VAC14: variants seen among roughly 807,000 people sequenced by gnomAD.
VAC14 encodes VAC14 component of PIKFYVE complex.
VAC14 carries 47 observed loss-of-function variants against 85.3 expected under a neutral mutation model. The observed-to-expected ratio is 0.55, with a 90% CI of 0.44 to 0.70. The LOEUF is 0.70. VAC14 is among the 30% of genes least tolerant of loss of function. The pLI is 0.00. For synonymous variants in VAC14, 447 were observed against 430.5 expected (o/e 1.04, Z -0.47); for missense variants, 861 against 1,004.3 (o/e 0.86, Z 1.93).
chr16:70,693,290 G>A (rs541060478), intron 17 of VAC14, among the ~76,000 whole-genome samples: 2 of 152,280 alleles, frequency 1.3e-5, no homozygotes, highest in South Asian at 4.1e-4. Context: ...CCCGAGACAC[G>A]CTGTGGGGCC....
At chr16:70,744,652 T>A in intron 12 of VAC14, 73 bp from the exon 13 acceptor site, 12 of 1,495,594 alleles carry the variant, frequency 8.0e-6, no homozygotes, top group Non-Finnish European at 1.1e-5. Flanking sequence ...GAGGTGCGGT[T>A]GGTGGCACAC....
chr16:70,716,713 G>A (rs2054174528), intron 14 of VAC14: 1 of 152,284 alleles, frequency 6.6e-6, no homozygotes, highest in Non-Finnish European at 1.5e-5. Context: ...ATGAGGTGCT[G>A]GGCCTGCGTC....
intron 18 of VAC14, 149 bp downstream of exon 18, chr16:70,692,672 G>A (rs1053122825): frequency 8.9e-6 from 9 of 1,007,404 alleles, no homozygotes; most frequent in African/African-American, 8.0e-5. Context: ...AAGTGGCTGC[G>A]GGGGGGATGG....
Position 70,723,774 on chromosome 16 carries a change from G to A in VAC14, c.1661+7721C>T, listed in dbSNP as rs563369006. Among the ~76,000 whole-genome samples, 5 of 152,202 alleles carry A rather than the reference G, an allele frequency of 3.3e-5. No individual in the cohort carries two copies. The South Asian group carries it at 8.3e-4, about 25-fold the overall frequency. ...CTCAGGTGTGCAGACAACAAAGAAC[G>A]TGCTTTTAGTGAAAGACTGGCAAGG... On this transcript the variant is annotated intron_variant, in intron 14 of 18. Coordinates refer to ENST00000261776, the MANE Select transcript of VAC14 (RefSeq NM_018052.5).
chr16:70,773,279 G>A (rs2033341445), intron 9 of VAC14: 1 of 152,224 alleles, frequency 6.6e-6, no homozygotes, highest in South Asian at 2.1e-4. Flanking sequence ...TGACTGCACT[G>A]TGTCTGTGCC....
intron 13 of VAC14, among the ~76,000 whole-genome samples, chr16:70,735,833 C>A (rs1000073871): frequency 1.3e-5 from 2 of 152,262 alleles, no homozygotes; most frequent in African/African-American, 4.8e-5. Context: ...CTGAGTGACT[C>A]TGGAATGGCA....
intron 14 of VAC14, among the ~76,000 whole-genome samples, chr16:70,722,907 C>A (rs1248641906): frequency 6.6e-6 from 1 of 152,056 alleles, no homozygotes; most frequent in Non-Finnish European, 1.5e-5. Context: ...TAGTGAGACC[C>A]CATCTCTACA....
chr16:70,713,787 A>G (rs907070740), intron 14 of VAC14, among the ~76,000 whole-genome samples: 1 of 148,030 alleles, frequency 6.8e-6, no homozygotes, highest in African/African-American at 2.5e-5. Flanking sequence ...CAAGTGATCC[A>G]CCCACCTCTG....
chr16:70,755,229 A>AG, intron 12 of VAC14: 5 of 340,558 alleles, frequency 1.5e-5, no homozygotes, highest in East Asian at 1.2e-4. Flanking sequence ...TGAGCCCTGG[A>AG]GGGGGGCTAG....
intron 13 of VAC14, among the ~76,000 whole-genome samples, chr16:70,743,740 C>T (rs2030588701): frequency 1.3e-5 from 2 of 152,194 alleles, no homozygotes. Flanking sequence ...GTGTGGATGT[C>T]CAGAGGGGCG....
intron 2 of VAC14, 33 bp downstream of exon 2, chr16:70,786,182 C>A: frequency 6.2e-7 from 1 of 1,608,972 alleles, no homozygotes; most frequent in Non-Finnish European, 8.5e-7. Context: ...AAGGCCAGGA[C>A]TGGTATGTCT....
chr16:70,731,590 G>T lies in VAC14; in HGVS notation c.1566C>A (p.Thr522=), dbSNP rs753282306. 6.2e-7 allele frequency: 1 copy of T among 1,614,128 alleles called. No individual in the cohort carries two copies. The highest frequency in any genetic ancestry group is 8.5e-7 in the Non-Finnish European group (1 of 1,180,034). ...KGLECSPSTP[T]MNSYFYKFMI... ...TGAACTTATAAAAGTAAGAATTCATGGTGGGAGTTGAAGGAGAACATTCTA... is the reference window on the plus strand; with the variant it reads ...TGAACTTATAAAAGTAAGAATTCATTGTGGGAGTTGAAGGAGAACATTCTA... Residue 522 remains threonine (T), a synonymous_variant, in exon 14 of 19, where the codon ACC becomes ACA. Transcript: ENST00000261776.
At chr16:70,689,599 T>A in intron 18 of VAC14, 2 of 985,566 alleles carry the variant, frequency 2.0e-6, no homozygotes, top group Non-Finnish European at 2.4e-6. Context: ...CCTGTTCCCT[T>A]CCCGCCTCCC....
chr16:70,730,566 G>A (rs1200219549), intron 14 of VAC14, among the ~76,000 whole-genome samples: 1 of 146,630 alleles, frequency 6.8e-6, no homozygotes, highest in Non-Finnish European at 1.5e-5. Flanking sequence ...CAGGGGTTCC[G>A]ATTTCACTCA....
chr16:70,788,734 G>C (rs921314025), intron 1 of VAC14, among the ~76,000 whole-genome samples: 1 of 152,230 alleles, frequency 6.6e-6, no homozygotes, highest in Non-Finnish European at 1.5e-5. Flanking sequence ...CTGCCATGCG[G>C]GCGGCCGGGC....
chr16:70,759,609 G>A (rs1248494779), intron 12 of VAC14, among the ~76,000 whole-genome samples: 1 of 152,132 alleles, frequency 6.6e-6, no homozygotes, highest in Non-Finnish European at 1.5e-5. Flanking sequence ...GCCTGGGCGA[G>A]AGTGAGATTC....
Position 70,688,473 on chromosome 16 carries a change from G to T in VAC14, c.2187-383C>A. On this transcript the variant is annotated intron_variant, in intron 18 of 18. Transcript: ENST00000261776. Reference sequence around the variant, plus strand: ...CCTGGAACAGGGTCTGGGGAGAAGGGGGAGGTGGCAGCTTGGCCCTTTCTC... The same window carrying T: ...CCTGGAACAGGGTCTGGGGAGAAGGTGGAGGTGGCAGCTTGGCCCTTTCTC... The T allele has an allele frequency of 5.0e-6, 5 of 993,808 alleles. No homozygotes were observed. The South Asian group carries it at 2.3e-4, about 47-fold the overall frequency. The allele number at this position is 993,808 out of a possible 1,614,324, so 61.6% of individuals were successfully genotyped here. A position where few individuals can be genotyped will look rare whatever the true frequency, so the allele number is the denominator to read the frequency against.
At chr16:70,731,211 T>G in intron 14 of VAC14, 1 of 1,005,292 alleles carries the variant, frequency 9.9e-7, no homozygotes, top group Non-Finnish European at 1.2e-6. Context: ...GACAATGGCA[T>G]TGAATAAGAG....
chr16:70,740,295 C>T (rs951775043), intron 13 of VAC14, among the ~76,000 whole-genome samples: 1 of 152,202 alleles, frequency 6.6e-6, no homozygotes, highest in Non-Finnish European at 1.5e-5. Flanking sequence ...CATTGGGCCC[C>T]GTGGCAGGCA....
Sources: allele counts gnomAD v4.1 joint callset (sites outside exome capture counted in the v4.1 genomes callset), GRCh38; gene constraint gnomAD v4.1.1; transcripts MANE v1.5; gene names NCBI Gene and HGNC (gene_info 2026-07-23, HGNC 2026-07-21).